ABCB1: variants seen among roughly 807,000 people sequenced by gnomAD.
ABCB1 encodes ATP-dependent translocase ABCB1.
Under a neutral mutation model 142.0 loss-of-function variants are expected in ABCB1, and 69 were observed. That is an observed-to-expected ratio of 0.49 (90% CI 0.40 to 0.59). ABCB1 has a LOEUF of 0.59. Ranked by LOEUF, ABCB1 falls within the 20% of genes least tolerant of loss-of-function variation. The pLI is 0.00. For missense variants in ABCB1, 1,326 were observed against 1,554.7 expected, an observed-to-expected ratio of 0.85 and a Z score of 2.47; for synonymous variants, 532 against 539.2, an observed-to-expected ratio of 0.99 and a Z score of 0.18.
intron 8 of ABCB1, among the ~76,000 whole-genome samples, chr7:87,559,239 T>C (rs1563052172): frequency 1.3e-5 from 2 of 152,010 alleles, no homozygotes; most frequent in Admixed American, 6.6e-5. Context: ...CAGTGGAAAA[T>C]GGAGATTTTT....
intron 3 of ABCB1, among the ~76,000 whole-genome samples, chr7:87,589,849 G>GGAGA (rs142847127): frequency 1.8e-4 from 19 of 108,526 alleles, no homozygotes; most frequent in African/African-American, 6.8e-4. Flanking sequence ...AGAGAGGGAG[G>GGAGA]GAGAGAGAGA....
intron 7 of ABCB1, chr7:87,564,254 A>C: frequency 2.8e-6 from 1 of 356,772 alleles, no homozygotes; most frequent in Non-Finnish European, 5.4e-6. Flanking sequence ...GTATTGGTCT[A>C]CTTTTGTGAG....
intron 1 of ABCB1, among the ~76,000 whole-genome samples, chr7:87,649,993 T>A (rs1409731671): frequency 6.6e-6 from 1 of 152,192 alleles, no homozygotes; most frequent in Non-Finnish European, 1.5e-5. Flanking sequence ...TAAATCTCTT[T>A]CCTTTATAAA....
intron 1 of ABCB1, among the ~76,000 whole-genome samples, chr7:87,682,207 T>A (rs1268285018): frequency 6.6e-6 from 1 of 152,244 alleles, no homozygotes; most frequent in Non-Finnish European, 1.5e-5. Context: ...CTCTTGCGAT[T>A]TCCATGTTAT....
chr7:87,638,234 ATATT>A (rs1822014642), intron 1 of ABCB1, among the ~76,000 whole-genome samples: 1 of 152,024 alleles, frequency 6.6e-6, no homozygotes, highest in South Asian at 2.1e-4. Context: ...GGATTTTTGC[ATATT>A]TATTCATGGT....
At position 87,645,438 on chromosome 7, in the gene ABCB1, AAG is replaced by A. The variant is rs567680694; in HGVS notation, c.-330-44362_-330-44361del. Among the ~76,000 whole-genome samples the A allele has an allele frequency of 7.2e-5, 11 of 152,260 alleles. No individual in the cohort carries two copies. In the South Asian group the frequency reaches 2.3e-3, roughly 32 times the overall value. ...ATTTCCTTGGACTTTGAAGGTGGGA[AAG>A]AGAATCTTTTTAAATAGAGACATTT... On this transcript the variant is annotated intron_variant, in intron 1 of 28. Transcript: ENST00000265724.
chr7:87,641,234 G>A (rs1305660833), intron 1 of ABCB1, among the ~76,000 whole-genome samples: 1 of 152,174 alleles, frequency 6.6e-6, no homozygotes, highest in Non-Finnish European at 1.5e-5. Flanking sequence ...ATAGACCACA[G>A]TGGAGTAAAC....
intron 21 of ABCB1, among the ~76,000 whole-genome samples, chr7:87,529,912 G>A (rs974413713): frequency 1.3e-5 from 2 of 152,226 alleles, no homozygotes; most frequent in African/African-American, 4.8e-5. Flanking sequence ...CCATCCTGAT[G>A]TACCTCCAGA....
chr7:87,569,116 T>C (rs1334422256), intron 5 of ABCB1, among the ~76,000 whole-genome samples: 1 of 152,044 alleles, frequency 6.6e-6, no homozygotes, highest in Non-Finnish European at 1.5e-5. Context: ...GTGGATCACC[T>C]GAGGTCAGAA....
chr7:87,576,381 G>A (rs1818274929), intron 4 of ABCB1, among the ~76,000 whole-genome samples: 1 of 150,142 alleles, frequency 6.7e-6, no homozygotes, highest in Non-Finnish European at 1.5e-5. Context: ...GTTTCACAGA[G>A]CTATACATAT....
At chr7:87,525,037 A>T (rs765772135) in intron 21 of ABCB1, among the ~76,000 whole-genome samples, 37 of 148,880 alleles carry the variant, frequency 2.5e-4, no homozygotes, top group Non-Finnish European at 5.0e-4. Context: ...CAGACCTAAA[A>T]GTGGTGAGTA....
At chr7:87,574,811 C>T (rs367774790) in intron 4 of ABCB1, among the ~76,000 whole-genome samples, 2 of 152,268 alleles carry the variant, frequency 1.3e-5, no homozygotes, top group East Asian at 1.9e-4. Context: ...CTAAGTCATA[C>T]AAAAATAGAA....
At chr7:87,557,853 T>C (rs375103132) in intron 8 of ABCB1, among the ~76,000 whole-genome samples, 15 of 152,356 alleles carry the variant, frequency 9.8e-5, no homozygotes, top group African/African-American at 3.6e-4. Context: ...AAAAATATTG[T>C]CAGTTCCTCA....
At chr7:87,703,877 A>T in intron 1 of ABCB1, among the ~76,000 whole-genome samples, 2 of 26,402 alleles carry the variant, frequency 7.6e-5, no homozygotes, top group African/African-American at 1.5e-4. Flanking sequence ...GAGCTTTATC[A>T]GTTTTTTCTT....
intron 1 of ABCB1, among the ~76,000 whole-genome samples, chr7:87,665,017 A>G (rs1484403901): frequency 6.6e-6 from 1 of 152,148 alleles, no homozygotes; most frequent in Non-Finnish European, 1.5e-5. Context: ...TAAAAAGCTG[A>G]AAGCTCTCTA....
chr7:87,678,432 A>G (rs917010629), intron 1 of ABCB1, among the ~76,000 whole-genome samples: 5 of 152,214 alleles, frequency 3.3e-5, no homozygotes, highest in African/African-American at 1.2e-4. Context: ...TAGGTGTTCT[A>G]TTTCATAAAG....
intron 1 of ABCB1, among the ~76,000 whole-genome samples, chr7:87,708,408 A>T (rs1829791760): frequency 6.6e-6 from 1 of 152,162 alleles, no homozygotes; most frequent in Admixed American, 6.5e-5. Flanking sequence ...GAAATGGGAA[A>T]TTTCTTTTAA....
chr7:87,592,267 C>T (rs1819029388), intron 3 of ABCB1, among the ~76,000 whole-genome samples: 1 of 152,024 alleles, frequency 6.6e-6, no homozygotes, highest in Admixed American at 6.5e-5. Flanking sequence ...TGTAAGGTCC[C>T]TGAGAAGGCA....
At chr7:87,597,239 A>G (rs1240990050) in intron 2 of ABCB1, among the ~76,000 whole-genome samples, 4 of 152,008 alleles carry the variant, frequency 2.6e-5, no homozygotes, top group Non-Finnish European at 5.9e-5. Context: ...TCTCACCCCT[A>G]CTAGATAACT....
Sources: allele counts gnomAD v4.1 joint callset (sites outside exome capture counted in the v4.1 genomes callset), GRCh38; gene constraint gnomAD v4.1.1; transcripts MANE v1.5; gene names NCBI Gene and HGNC (gene_info 2026-07-23, HGNC 2026-07-21).